The following DEPDC5 variants were observed in gnomAD, a reference collection of about 807,000 sequenced individuals.
DEPDC5 encodes the protein DEP domain containing 5, GATOR1 subcomplex subunit, also known as GATOR1 complex protein DEPDC5.
Under a neutral mutation model 217.3 loss-of-function variants are expected in DEPDC5, and 73 were observed. The observed-to-expected ratio is 0.34, with a 90% CI of 0.28 to 0.41. The LOEUF (loss-of-function observed/expected upper bound fraction) is 0.41, where lower values mean the gene tolerates loss of function less well. Among genes scored for constraint, DEPDC5 ranks in the 10% least tolerant of loss-of-function variants. The probability of loss-of-function intolerance (pLI) is 1.00; values close to 1 mark genes in which losing one functional copy is unlikely to be tolerated. For missense variants in DEPDC5, 1,675 were observed against 2,070.1 expected (o/e 0.81, Z 3.70); for synonymous variants, 733 against 756.7 (o/e 0.97, Z 0.51).
In DEPDC5 at chr22:31,802,905, G is replaced by A. The variant is rs988601224; in HGVS notation, c.1081+67G>A. 8.1e-6 allele frequency: 12 copies of A among 1,475,124 alleles called. No homozygotes were observed. In the Admixed American group the frequency reaches 9.6e-5, roughly 12 times the overall value. The allele number at this position is 1,475,124 out of a possible 1,614,324, so 91.4% of individuals were successfully genotyped here. A position where few individuals can be genotyped will look rare whatever the true frequency, so the allele number is the denominator to read the frequency against. On this transcript the variant is annotated intron_variant, in intron 15 of 42. Coordinates refer to ENST00000651528, the MANE Select transcript of DEPDC5 (RefSeq NM_001242896.3). The stretch of plus-strand genomic sequence containing the variant: ...GCCTGATTTCCCCTTAGAACTGTGA[G>A]CTTCACTGACTTCTTAGAGTGTGAG...
chr22:31,844,880 C>G, intron 29 of DEPDC5, 138 bp from the exon 30 acceptor site: 1 of 879,058 alleles, frequency 1.1e-6, no homozygotes, highest in Non-Finnish European at 1.8e-6. Context: ...TCAACAAAGC[C>G]ATGAGCTGTA....
rs751386405 is a variant in DEPDC5, at chr22:31,778,156, T to C, written c.471T>C (p.Ser157=). ...KNEKVMCGYI[S]EDTRVVFRST... ...AGAAGGTCATGTGTGGCTACATCAGTGAAGATACCAGGGTAAGATTTATAA... is the reference window on the plus strand; with the variant it reads ...AGAAGGTCATGTGTGGCTACATCAGCGAAGATACCAGGGTAAGATTTATAA... Residue 157 remains serine, a synonymous_variant, in exon 8 of 43, where the codon AGT becomes AGC. Coordinates refer to ENST00000651528, the MANE Select transcript of DEPDC5 (RefSeq NM_001242896.3). 2.5e-6 allele frequency: 4 copies of C among 1,614,140 alleles called. No individual in the cohort carries two copies. The highest frequency in any genetic ancestry group is 3.4e-6 in the Non-Finnish European group (4 of 1,179,986).
chr22:31,891,176 G>T, intron 38 of DEPDC5: 1 of 547,938 alleles, frequency 1.8e-6, no homozygotes, highest in Non-Finnish European at 3.5e-6. Flanking sequence ...TCTTTAAACT[G>T]TCAAGTACTA....
At chr22:31,871,643 T>C (rs778807096) in intron 34 of DEPDC5, among the ~76,000 whole-genome samples, 11 of 152,158 alleles carry the variant, frequency 7.2e-5, no homozygotes, top group Non-Finnish European at 1.0e-4. Context: ...GGCTGCCCAA[T>C]GCATAGAAAA....
chr22:31,836,135 G>A (rs548653687), intron 25 of DEPDC5, among the ~76,000 whole-genome samples: 16 of 152,324 alleles, frequency 1.1e-4, no homozygotes, highest in African/African-American at 3.6e-4. Flanking sequence ...TCCTAACCAG[G>A]GAGGATTTCC....
intron 11 of DEPDC5, 130 bp from the exon 12 acceptor site, chr22:31,792,605 CAAAAAAAAAA>C (rs61603320): frequency 1.0e-3 from 155 of 154,154 alleles, no homozygotes; most frequent in African/African-American, 7.5e-3. Flanking sequence ...GACCTTGTCT[CAAAAAAAAAA>C]AAAAAAAAAA....
At chr22:31,770,104 T>C (rs895426605) in intron 7 of DEPDC5, among the ~76,000 whole-genome samples, 19 of 146,382 alleles carry the variant, frequency 1.3e-4, no homozygotes, top group African/African-American at 4.6e-4. Context: ...CATGGTGGTG[T>C]GCGACTGTAG....
intron 36 of DEPDC5, 93 bp downstream of exon 36, chr22:31,874,498 A>G: frequency 2.1e-6 from 3 of 1,450,352 alleles, no homozygotes; most frequent in South Asian, 2.9e-5. Context: ...CAGTAATGAG[A>G]TCTGCAGGTT....
chr22:31,799,753 G>T (rs1265624932), intron 14 of DEPDC5, among the ~76,000 whole-genome samples: 9 of 147,892 alleles, frequency 6.1e-5, no homozygotes, highest in South Asian at 4.3e-4. Context: ...ACCTACCTTG[G>T]CCTCCCAAAG....
intron 39 of DEPDC5, chr22:31,894,451 T>G (rs925037844): frequency 6.6e-6 from 1 of 152,186 alleles, no homozygotes; most frequent in East Asian, 1.9e-4. Context: ...AGTTTTCTAT[T>G]ATTTGTTTAA....
chr22:31,843,102 G>C lies in DEPDC5; in HGVS notation c.2523G>C (p.Val841=). 6.2e-7 allele frequency: 1 copy of C among 1,612,792 alleles called. No individual in the cohort carries two copies. The highest frequency in any genetic ancestry group is 8.5e-7 in the Non-Finnish European group (1 of 1,179,598). The change falls in exon 28 of 43, where the codon GTG becomes GTC. Residue 841 remains valine (V), a synonymous_variant. Coordinates refer to ENST00000651528, the MANE Select transcript of DEPDC5 (RefSeq NM_001242896.3). ...TTATTATTTTTCTGTTAGGCCTTGT[G>C]TCCCGAAACCGCCCTGAGGAGGAGG... ...SSSPLYSRGL[V]SRNRPEEEDQ...
chr22:31,807,854 G>T (rs573979922), intron 18 of DEPDC5, among the ~76,000 whole-genome samples: 1 of 152,264 alleles, frequency 6.6e-6, no homozygotes, highest in South Asian at 2.1e-4. Flanking sequence ...TTCACTGAGG[G>T]TTGCTCCATT....
chr22:31,835,381 A>G (rs1185209297), intron 25 of DEPDC5, among the ~76,000 whole-genome samples: 1 of 152,202 alleles, frequency 6.6e-6, no homozygotes, highest in Non-Finnish European at 1.5e-5. Context: ...TTTCAGAACC[A>G]GAAGATACTG....
intron 38 of DEPDC5, among the ~76,000 whole-genome samples, chr22:31,883,602 T>C (rs147184432): frequency 6.1e-4 from 93 of 152,268 alleles, no homozygotes; most frequent in African/African-American, 2.0e-3. Flanking sequence ...TCCTGATGGG[T>C]ACTACAATTT....
rs1386331550 is a variant in DEPDC5, at chr22:31,804,823, C to G, written c.1144-19C>G. ...ACTTGTTCTGTAGCTTATCTGTGCT[C>G]TCATTTTTCTCCTTGCAGCTCCATA... On this transcript the variant is annotated intron_variant, in intron 16 of 42. Transcript: ENST00000651528. 2.5e-6 allele frequency: 4 copies of G among 1,611,862 alleles called. No homozygotes were observed. Among genetic ancestry groups the G allele is most frequent in the Non-Finnish European group, 3.4e-6 (4 of 1,178,430 alleles).
At chr22:31,825,509 C>T (rs938814959) in intron 24 of DEPDC5, among the ~76,000 whole-genome samples, 5 of 152,096 alleles carry the variant, frequency 3.3e-5, no homozygotes, top group Non-Finnish European at 7.4e-5. Context: ...CTCAGATGGC[C>T]CCCAAGTACC....
chr22:31,765,149 G>A, intron 5 of DEPDC5, 89 bp downstream of exon 5: 1 of 1,041,074 alleles, frequency 9.6e-7, no homozygotes, highest in Non-Finnish European at 1.5e-6. Context: ...GGTTACTTAA[G>A]TGTAGTGTTA....
chr22:31,789,128 C>CT (rs1243057243), intron 10 of DEPDC5, among the ~76,000 whole-genome samples: 1 of 152,172 alleles, frequency 6.6e-6, no homozygotes, highest in African/African-American at 2.4e-5. Context: ...AACTCCTGGC[C>CT]TTAAGTGATC....
intron 14 of DEPDC5, among the ~76,000 whole-genome samples, chr22:31,800,671 T>C (rs1159186366): frequency 6.6e-6 from 1 of 151,994 alleles, no homozygotes; most frequent in Non-Finnish European, 1.5e-5. Flanking sequence ...AATTAAAATC[T>C]ACTTTAAAAA....
Sources: allele counts gnomAD v4.1 joint callset (sites outside exome capture counted in the v4.1 genomes callset), GRCh38; gene constraint gnomAD v4.1.1; transcripts MANE v1.5; gene names NCBI Gene and HGNC (gene_info 2026-07-23, HGNC 2026-07-21).